LRMDA: variants seen among roughly 807,000 people sequenced by gnomAD.
LRMDA encodes the protein leucine rich melanocyte differentiation associated.
LRMDA carries 18 observed loss-of-function variants against 29.8 expected under a neutral mutation model. The observed-to-expected ratio is 0.60, with a 90% CI of 0.42 to 0.90. LRMDA has a LOEUF of 0.90. Ranked by LOEUF, LRMDA falls within the 40% of genes least tolerant of loss-of-function variation. LRMDA has a pLI of 0.00. For synonymous variants in LRMDA, 125 were observed against 109.4 expected (o/e 1.14, Z -0.89); for missense variants, 273 against 273.9 (o/e 1.00, Z 0.02).
chr10:76,544,703 T>C (rs1041930480), intron 6 of LRMDA, among the ~76,000 whole-genome samples: 2 of 130,150 alleles, frequency 1.5e-5, no homozygotes, highest in Admixed American at 8.6e-5. Context: ...CATTTACATA[T>C]ATACATGCAC....
chr10:75,651,778 C>T (rs1323145208), intron 2 of LRMDA, among the ~76,000 whole-genome samples: 1 of 152,090 alleles, frequency 6.6e-6, no homozygotes, highest in South Asian at 2.1e-4. Flanking sequence ...TGACTGAGCA[C>T]ATTGAGCTAT....
At chr10:75,469,094 C>T (rs1024494703) in intron 2 of LRMDA, among the ~76,000 whole-genome samples, 2 of 152,032 alleles carry the variant, frequency 1.3e-5, no homozygotes, top group Non-Finnish European at 2.9e-5. Context: ...TGAAGACAGA[C>T]GTCTTGGGAA....
intron 2 of LRMDA, among the ~76,000 whole-genome samples, chr10:75,839,999 C>T (rs970992069): frequency 3.3e-5 from 5 of 152,210 alleles, no homozygotes; most frequent in Admixed American, 1.3e-4. Context: ...TAAGCCACCA[C>T]GCCTGGCCGC....
intron 5 of LRMDA, among the ~76,000 whole-genome samples, chr10:76,286,670 T>C (rs193084137): frequency 6.6e-6 from 1 of 152,272 alleles, no homozygotes; most frequent in Non-Finnish European, 1.5e-5. Context: ...CCAAACACTT[T>C]AGGTGTCTAA....
chr10:75,755,816 G>A (rs529468042), intron 2 of LRMDA, among the ~76,000 whole-genome samples: 2 of 152,342 alleles, frequency 1.3e-5, no homozygotes, highest in Non-Finnish European at 2.9e-5. Flanking sequence ...AATGGGGTCA[G>A]CGACGTGCCT....
chr10:75,750,619 C>CTGCAATCTCT (rs1842951280), intron 2 of LRMDA, among the ~76,000 whole-genome samples: 4 of 145,994 alleles, frequency 2.7e-5, no homozygotes, highest in Non-Finnish European at 3.0e-5. Context: ...CGGGCAGAGG[C>CTGCAATCTCT]GCTCCTCACA....
At chr10:76,174,548 G>A (rs1321943766) in intron 5 of LRMDA, among the ~76,000 whole-genome samples, 7 of 152,138 alleles carry the variant, frequency 4.6e-5, no homozygotes, top group African/African-American at 1.4e-4. Flanking sequence ...TATCCTCATT[G>A]TTGTAGAGCA....
At chr10:75,574,568 C>T (rs1199473219) in intron 2 of LRMDA, among the ~76,000 whole-genome samples, 1 of 152,212 alleles carries the variant, frequency 6.6e-6, no homozygotes, top group Non-Finnish European at 1.5e-5. Flanking sequence ...TTTCCTGGCT[C>T]ATCGAGTACC....
chr10:75,785,948 G>A (rs1843464741), intron 2 of LRMDA, among the ~76,000 whole-genome samples: 1 of 152,188 alleles, frequency 6.6e-6, no homozygotes, highest in Non-Finnish European at 1.5e-5. Context: ...ACCAACCCTA[G>A]CTTGGGCCCT....
At chr10:76,088,331 C>T (rs1849172220) in intron 5 of LRMDA, among the ~76,000 whole-genome samples, 1 of 152,202 alleles carries the variant, frequency 6.6e-6, no homozygotes, top group Non-Finnish European at 1.5e-5. Flanking sequence ...GCTCTCCCTC[C>T]TCTCCTCAAA....
At chr10:76,420,001 A>G (rs1011435111) in intron 6 of LRMDA, among the ~76,000 whole-genome samples, 1 of 152,136 alleles carries the variant, frequency 6.6e-6, no homozygotes, top group African/African-American at 2.4e-5. Context: ...TGTTTATGAC[A>G]AAGATTGTCC....
chr10:76,235,854 T>C (rs1269399182), intron 5 of LRMDA, among the ~76,000 whole-genome samples: 3 of 152,210 alleles, frequency 2.0e-5, no homozygotes, highest in Admixed American at 1.3e-4. Flanking sequence ...ATCCAGATAG[T>C]TTACTAATGT....
At chr10:75,544,428 G>A (rs73275586) in intron 2 of LRMDA, among the ~76,000 whole-genome samples, 3,774 of 152,180 alleles carry the variant, frequency 0.025, 169 homozygotes, top group African/African-American at 0.086. Flanking sequence ...GGCTAGCCTG[G>A]GAACCTAACC....
intron 6 of LRMDA, among the ~76,000 whole-genome samples, chr10:76,377,830 C>T (rs1274147977): frequency 6.6e-6 from 1 of 151,988 alleles, no homozygotes; most frequent in Admixed American, 6.6e-5. Flanking sequence ...CAGCTTTTTT[C>T]TTTTTGCTTA....
rs79083648 is a variant in LRMDA, at chr10:75,744,160, T to G, written c.132-291848T>G. Among the ~76,000 whole-genome samples the G allele has an allele frequency of 7.7e-3, 1,170 of 152,346 alleles. 16 individuals carry two copies. The highest frequency in any genetic ancestry group is 0.026 in the African/African-American group (1,092 of 41,578). ...TCTATGGGAGCTTTTTAGAGAATTT[T>G]GAGTAGCACTAGAGTAAAGGCGGTT... On this transcript the variant is annotated intron_variant, in intron 2 of 6. Coordinates refer to ENST00000611255, the MANE Select transcript of LRMDA (RefSeq NM_001305581.2).
At chr10:76,062,409 C>T (rs778667634) in intron 5 of LRMDA, among the ~76,000 whole-genome samples, 3 of 152,134 alleles carry the variant, frequency 2.0e-5, no homozygotes, top group Non-Finnish European at 4.4e-5. Context: ...GCAGAACCAT[C>T]CAGGAGGTAA....
chr10:75,681,410 A>G (rs571775376), intron 2 of LRMDA, among the ~76,000 whole-genome samples: 1 of 152,166 alleles, frequency 6.6e-6, no homozygotes, highest in Non-Finnish European at 1.5e-5. Context: ...TACCTCATTT[A>G]TTCTCTTGCT....
intron 5 of LRMDA, among the ~76,000 whole-genome samples, chr10:76,094,200 T>G (rs1228698478): frequency 6.6e-6 from 1 of 152,196 alleles, no homozygotes; most frequent in Non-Finnish European, 1.5e-5. Flanking sequence ...CTCCAAATCT[T>G]TCTCTCAACT....
rs181399203 is a variant in LRMDA, at chr10:76,059,993, C to T, written c.516+1210C>T. Among the ~76,000 whole-genome samples the T allele has an allele frequency of 7.2e-5, 11 of 152,284 alleles. No individual in the cohort carries two copies. In the East Asian group the frequency reaches 1.7e-3, roughly 24 times the overall value. On this transcript the variant is annotated intron_variant, in intron 5 of 6. Transcript: ENST00000611255. The stretch of plus-strand genomic sequence containing the variant: ...GTGTTAACAGTGCTCCCTATCGAGG[C>T]ACAGGTTTGATGTATTGCACACAAC...
Sources: allele counts gnomAD v4.1 joint callset (sites outside exome capture counted in the v4.1 genomes callset), GRCh38; gene constraint gnomAD v4.1.1; transcripts MANE v1.5; gene names NCBI Gene and HGNC (gene_info 2026-07-23, HGNC 2026-07-21).